The following BEND7 variants were observed in gnomAD, a reference collection of about 807,000 sequenced individuals.
BEND7 encodes the protein BEN domain-containing protein 7.
In BEND7, 28 loss-of-function variants were observed where a neutral mutation model predicts 50.9. That is an observed-to-expected ratio of 0.55 (90% CI 0.41 to 0.75). The LOEUF (loss-of-function observed/expected upper bound fraction) is 0.75, where lower values mean the gene tolerates loss of function less well. BEND7 is among the 30% of genes least tolerant of loss of function. BEND7 has a pLI of 0.00. For missense variants in BEND7, 477 were observed against 491.3 expected (o/e 0.97, Z 0.28); for synonymous variants, 170 against 183.9 (o/e 0.92, Z 0.61).
At chr10:13,510,181 C>A (rs2132440767) in intron 2 of BEND7, among the ~76,000 whole-genome samples, 1 of 152,094 alleles carries the variant, frequency 6.6e-6, no homozygotes, top group Middle Eastern at 3.4e-3. Context: ...AGGACATGAA[C>A]ATGTAATTCA....
intron 6 of BEND7, among the ~76,000 whole-genome samples, chr10:13,464,546 A>G (rs79399067): frequency 0.011 from 1,700 of 152,286 alleles, 9 homozygotes; most frequent in Non-Finnish European, 0.019. Context: ...GGGGCGGGGA[A>G]GAGAGAGAAT....
intron 2 of BEND7, among the ~76,000 whole-genome samples, chr10:13,525,673 G>T (rs2079411621): frequency 6.6e-6 from 1 of 152,182 alleles, no homozygotes; most frequent in Admixed American, 6.5e-5. Flanking sequence ...GGGCCACAGA[G>T]GTGAAGGGAC....
chr10:13,509,347 C>G (rs760105454), intron 2 of BEND7, among the ~76,000 whole-genome samples: 6 of 152,150 alleles, frequency 3.9e-5, no homozygotes, highest in Non-Finnish European at 8.8e-5. Flanking sequence ...TTCCTACGGA[C>G]CCTGGGCCCC....
chr10:13,481,974 C>A (rs1180660742), intron 5 of BEND7, among the ~76,000 whole-genome samples: 1 of 152,240 alleles, frequency 6.6e-6, no homozygotes, highest in African/African-American at 2.4e-5. Flanking sequence ...AATCTTTCAA[C>A]CCAGTTCATA....
intron 6 of BEND7, among the ~76,000 whole-genome samples, chr10:13,453,945 G>A (rs1440461108): frequency 1.3e-5 from 2 of 152,172 alleles, no homozygotes; most frequent in Admixed American, 6.5e-5. Context: ...AGAGAAAAGC[G>A]GCTATATGTG....
At chr10:13,461,278 C>T (rs1259805699) in intron 6 of BEND7, among the ~76,000 whole-genome samples, 3 of 152,162 alleles carry the variant, frequency 2.0e-5, no homozygotes, top group Admixed American at 6.5e-5. Context: ...TTTCTACACC[C>T]ACAGGGCAAG....
chr10:13,477,154 G>T (rs1400163035), intron 6 of BEND7, among the ~76,000 whole-genome samples: 1 of 151,580 alleles, frequency 6.6e-6, no homozygotes, highest in African/African-American at 2.4e-5. Flanking sequence ...TTTTCCCATT[G>T]TTGTTTTAAC....
intron 8 of BEND7, chr10:13,446,225 T>C (rs1836295120): frequency 6.6e-6 from 1 of 152,214 alleles, no homozygotes; most frequent in Non-Finnish European, 1.5e-5. Context: ...GAGAAAGCAA[T>C]GTGTCTCTTA....
chr10:13,451,926 G>C (rs1403704590), intron 7 of BEND7, among the ~76,000 whole-genome samples: 4 of 152,088 alleles, frequency 2.6e-5, no homozygotes, highest in Admixed American at 6.6e-5. Context: ...CTAGGAAATT[G>C]GCCCCCACTG....
chr10:13,518,054 C>T (rs1014243663), intron 2 of BEND7, among the ~76,000 whole-genome samples: 1 of 152,220 alleles, frequency 6.6e-6, no homozygotes, highest in Non-Finnish European at 1.5e-5. Context: ...CCTCAGAAAA[C>T]AAAATCACAG....
chr10:13,495,271 T>C (rs886359371), intron 4 of BEND7, among the ~76,000 whole-genome samples: 3 of 152,248 alleles, frequency 2.0e-5, no homozygotes, highest in African/African-American at 7.2e-5. Flanking sequence ...TCCAGGTTAA[T>C]AAGAACACAG....
chr10:13,470,658 C>G (rs949100517), intron 6 of BEND7, among the ~76,000 whole-genome samples: 2 of 152,020 alleles, frequency 1.3e-5, no homozygotes, highest in Non-Finnish European at 2.9e-5. Flanking sequence ...CTTTTTTGAG[C>G]TTATGGAAGG....
Position 13,496,881 on chromosome 10 carries a change from A to T in BEND7, c.456T>A (p.Leu152=), listed in dbSNP as rs1208299574. The T allele has an allele frequency of 6.2e-7, 1 of 1,600,488 alleles. No homozygotes were observed. Among genetic ancestry groups the T allele is most frequent in the South Asian group, 1.1e-5 (1 of 90,294 alleles). The change falls in exon 4 of 9, where the codon CTT becomes CTA. Residue 152 remains leucine (L), a synonymous_variant. Transcript: ENST00000466271. ...ATCCAGCTGATGAATTCACCACTGG[A>T]AGTTCTCCTGAGCATGAAAGAAAAG... ...PHPTTSSNGE[L]PVVNSSAGSN...
chr10:13,529,458 G>C (rs1355432178), upstream of BEND7, among the ~76,000 whole-genome samples: 1 of 152,176 alleles, frequency 6.6e-6, no homozygotes, highest in East Asian at 1.9e-4. Flanking sequence ...TAGAAGGACA[G>C]AGAGGAGGTT....
chr10:13,491,256 T>C (rs1019202178), intron 5 of BEND7, among the ~76,000 whole-genome samples: 1 of 144,940 alleles, frequency 6.9e-6, no homozygotes, highest in Non-Finnish European at 1.5e-5. Context: ...GAGGTTGCAG[T>C]GAGTGGAGAT....
intron 2 of BEND7, among the ~76,000 whole-genome samples, chr10:13,501,235 G>T (rs1158391886): frequency 6.6e-6 from 1 of 151,796 alleles, no homozygotes; most frequent in Admixed American, 6.6e-5. Flanking sequence ...TTAGCCAGGC[G>T]TGGTGGCACA....
intron 6 of BEND7, among the ~76,000 whole-genome samples, chr10:13,466,957 G>C (rs1459746707): frequency 2.6e-5 from 4 of 152,190 alleles, no homozygotes; most frequent in Admixed American, 1.3e-4. Flanking sequence ...CCGCAACCCA[G>C]AGGTGACAGA....
chr10:13,496,981 G>A, intron 3 of BEND7, 93 bp from the exon 4 acceptor site: 1 of 1,412,326 alleles, frequency 7.1e-7, no homozygotes, highest in Non-Finnish European at 9.2e-7. Context: ...AAAGTATCTT[G>A]GCAGGATTTT....
At chr10:13,459,005 G>T (rs557156871) in intron 6 of BEND7, among the ~76,000 whole-genome samples, 1 of 152,352 alleles carries the variant, frequency 6.6e-6, no homozygotes, top group African/African-American at 2.4e-5. Flanking sequence ...AGTATGGGCA[G>T]CTTAAATGAC....
Sources: gnomAD v4.1 joint callset for allele counts (sites outside exome capture counted in the v4.1 genomes callset) on GRCh38, gnomAD v4.1.1 for gene constraint, MANE v1.5 for transcripts, NCBI Gene and HGNC (gene_info 2026-07-23, HGNC 2026-07-21) for gene names.